The following UBE2E1 variants were observed in gnomAD, a reference collection of about 807,000 sequenced individuals.
UBE2E1 encodes the protein ubiquitin conjugating enzyme E2 E1.
In UBE2E1, 6 loss-of-function variants were observed where a neutral mutation model predicts 21.4. The observed-to-expected ratio is 0.28, with a 90% CI of 0.15 to 0.55. The LOEUF is 0.55. UBE2E1 is among the 20% of genes least tolerant of loss of function. The pLI is 0.93. For missense variants in UBE2E1, 142 were observed against 236.5 expected (o/e 0.60, Z 2.62); for synonymous variants, 87 against 82.7 (o/e 1.05, Z -0.28).
At chr3:23,851,504 C>A (rs1353721329) in intron 3 of UBE2E1, among the ~76,000 whole-genome samples, 1 of 151,916 alleles carries the variant, frequency 6.6e-6, no homozygotes, top group Non-Finnish European at 1.5e-5. Context: ...GAGAAGTATT[C>A]CCATATTAAT....
intron 3 of UBE2E1, among the ~76,000 whole-genome samples, chr3:23,856,983 C>T (rs1271100309): frequency 8.0e-6 from 1 of 125,188 alleles, no homozygotes; most frequent in Non-Finnish European, 1.6e-5. Context: ...GCCTGGGTGA[C>T]AGAGCTAGGC....
chr3:23,847,643 C>T (rs556348844), intron 3 of UBE2E1, among the ~76,000 whole-genome samples: 1 of 151,858 alleles, frequency 6.6e-6, no homozygotes, highest in African/African-American at 2.4e-5. Context: ...TACAGGTGCC[C>T]ACCACCACAC....
Position 23,810,545 on chromosome 3 carries a change from C to G in UBE2E1, c.153-915C>G, listed in dbSNP as rs1295283437. 3.3e-6 allele frequency: 5 copies of G among 1,532,080 alleles called. No individual in the cohort carries two copies. The highest frequency in any genetic ancestry group is 4.4e-6 in the Non-Finnish European group (5 of 1,144,608). The allele number at this position is 1,532,080 out of a possible 1,614,324, so 94.9% of individuals were successfully genotyped here. ...GAAAAGCAGGTCCGGGGAGGTGGGC[C>G]GAGAGTCCCGGCCAGCGTGCGGGGC... On this transcript the variant is annotated intron_variant, in intron 2 of 5. Coordinates refer to ENST00000306627, the MANE Select transcript of UBE2E1 (RefSeq NM_003341.5). This position sits in a 1 kb window ranked among gnomAD's most constrained non-coding sequence, Gnocchi z 5.8.
chr3:23,888,151 A>G lies in UBE2E1; in HGVS notation c.336+452A>G, dbSNP rs941605515. Reference sequence around the variant, plus strand: ...AAAGGCAGGGCAGGTCAGGGGGCCAAACAACTAGAGAATCAGAATCTCTTC... The same window carrying G: ...AAAGGCAGGGCAGGTCAGGGGGCCAGACAACTAGAGAATCAGAATCTCTTC... On this transcript the variant is annotated intron_variant, in intron 4 of 5. Transcript: ENST00000306627. 5.1e-5 allele frequency: 23 copies of G among 452,560 alleles called. No individual in the cohort carries two copies. The Admixed American group carries it at 5.2e-4, about 10-fold the overall frequency. 28.0% of individuals were successfully genotyped at this position (452,560 alleles called of 1,614,324 possible). A position where few individuals can be genotyped will look rare whatever the true frequency, so the allele number is the denominator to read the frequency against.
intron 3 of UBE2E1, among the ~76,000 whole-genome samples, chr3:23,822,491 T>C (rs1699665629): frequency 6.6e-6 from 1 of 152,004 alleles, no homozygotes; most frequent in Non-Finnish European, 1.5e-5. Context: ...CCCTCTTTCC[T>C]CACCAAAAAA....
At position 23,836,630 on chromosome 3, in the gene UBE2E1, T is replaced by C. The variant is rs1699980910; in HGVS notation, c.203+25120T>C. ...ACTTAGATCTAGTTCAGTTCCTCAT[T>C]TTACAAATGAACACACTCAGATCTA... On this transcript the variant is annotated intron_variant, in intron 3 of 5. Transcript: ENST00000306627. The surrounding 1 kb of genome is among the most constrained non-coding windows in gnomAD (Gnocchi z 4.1). Among the ~76,000 whole-genome samples, 1 of 152,188 alleles carries C rather than the reference T, an allele frequency of 6.6e-6. No homozygotes were observed. The highest frequency in any genetic ancestry group is 1.5e-5 in the Non-Finnish European group (1 of 68,032).
chr3:23,845,581 C>CTGTGTGTGTGTGTGTGTGTGTGTGTGTG (rs1343231599), intron 3 of UBE2E1, among the ~76,000 whole-genome samples: 1 of 48,448 alleles, frequency 2.1e-5, no homozygotes, highest in Non-Finnish European at 5.0e-5. Flanking sequence ...CTCTCTCTCT[C>CTGTGTGTGTGTGTGTGTGTGTGTGTGTG]TCTCTCTCTG....
intron 3 of UBE2E1, among the ~76,000 whole-genome samples, chr3:23,846,191 G>A (rs765222181): frequency 4.6e-5 from 7 of 152,212 alleles, no homozygotes; most frequent in African/African-American, 7.2e-5. Flanking sequence ...TTAAATAAAT[G>A]TCTTACATAA....
chr3:23,890,796 G>T lies in UBE2E1; in HGVS notation c.*190G>T, dbSNP rs1575051935. 1 of 459,196 alleles carries T rather than the reference G, an allele frequency of 2.2e-6. No individual in the cohort carries two copies. Among genetic ancestry groups the T allele is most frequent in the South Asian group, 5.4e-5 (1 of 18,362 alleles). The allele number at this position is 459,196 out of a possible 1,614,324, so 28.4% of individuals were successfully genotyped here. A position where few individuals can be genotyped will look rare whatever the true frequency, so the allele number is the denominator to read the frequency against. On this transcript the variant is annotated 3_prime_UTR_variant, in exon 6 of 6. Transcript: ENST00000306627. ...GCTACAGTAGACAGAATTGGTAATA[G>T]CAACTTTTAAAATTGTCATTAGTTC... is the stretch of plus-strand genomic sequence containing the variant.
chr3:23,886,401 G>A (rs1456484110), intron 3 of UBE2E1, among the ~76,000 whole-genome samples: 2 of 152,124 alleles, frequency 1.3e-5, no homozygotes, highest in Non-Finnish European at 2.9e-5. Context: ...AGCTCTTTCT[G>A]CCTCTTGGCC....
At chr3:23,832,519 C>G (rs906612298) in intron 3 of UBE2E1, among the ~76,000 whole-genome samples, 3 of 152,086 alleles carry the variant, frequency 2.0e-5, no homozygotes, top group Admixed American at 1.3e-4. Flanking sequence ...GTGGTGGGCA[C>G]CTGTAATCCC....
chr3:23,846,116 C>A (rs572108092), intron 3 of UBE2E1, among the ~76,000 whole-genome samples: 1 of 152,164 alleles, frequency 6.6e-6, no homozygotes, highest in Non-Finnish European at 1.5e-5. Flanking sequence ...AAAGTTCTTA[C>A]ATCAGTAACA....
chr3:23,809,249 A>G (rs900141103), intron 2 of UBE2E1, among the ~76,000 whole-genome samples: 1 of 152,214 alleles, frequency 6.6e-6, no homozygotes, highest in Non-Finnish European at 1.5e-5. Context: ...TAAAGTTAAT[A>G]GAAAAAGGTA....
intron 4 of UBE2E1, among the ~76,000 whole-genome samples, chr3:23,888,615 A>T (rs1701256915): frequency 6.6e-6 from 1 of 152,200 alleles, no homozygotes; most frequent in Admixed American, 6.5e-5. Flanking sequence ...GACCTGATGT[A>T]ACGGTCAGAA....
intron 3 of UBE2E1, among the ~76,000 whole-genome samples, chr3:23,830,991 T>G (rs1255913499): frequency 1.3e-5 from 2 of 152,208 alleles, no homozygotes; most frequent in Non-Finnish European, 2.9e-5. Flanking sequence ...TGCAGCTTAG[T>G]AAGTGGAGAA....
At chr3:23,861,696 C>G (rs1054184675) in intron 3 of UBE2E1, among the ~76,000 whole-genome samples, 26 of 152,192 alleles carry the variant, frequency 1.7e-4, no homozygotes, top group African/African-American at 6.0e-4. Flanking sequence ...TAGGAGCACA[C>G]TGGGATGCCA....
rs568279467 is a variant in UBE2E1, at chr3:23,867,919, C to T, written c.204-19648C>T. Among the ~76,000 whole-genome samples, 5 of 152,300 alleles carry T rather than the reference C, an allele frequency of 3.3e-5. No homozygotes were observed. In the East Asian group the frequency reaches 9.6e-4, roughly 29 times the overall value. ...GTCCTTCAATGTGACCACAGAGCCA[C>T]AGGAGACCCAAACCCCTTGTAGTCA... On this transcript the variant is annotated intron_variant, in intron 3 of 5. Coordinates refer to ENST00000306627, the MANE Select transcript of UBE2E1 (RefSeq NM_003341.5).
chr3:23,829,192 G>A (rs55904513), intron 3 of UBE2E1, among the ~76,000 whole-genome samples: 2,458 of 144,860 alleles, frequency 0.017, 36 homozygotes, highest in South Asian at 0.053. Flanking sequence ...AGAGGGCCTC[G>A]CTTTGTTGCC....
In UBE2E1 at chr3:23,807,432, CT is replaced by C. The variant is rs3214837; in HGVS notation, c.152+21del. 3.7e-3 allele frequency: 5,272 copies of C among 1,440,518 alleles called. 108 individuals carry two copies. In the East Asian group the frequency reaches 0.045, roughly 12 times the overall value. The allele number at this position is 1,440,518 out of a possible 1,614,324, so 89.2% of individuals were successfully genotyped here. ...CACCAGCGCCAAGAGGTACTGTGCT[CT>C]TTTTTTTTTCCACAGGCTTCCTATT... is the stretch of plus-strand genomic sequence containing the variant. On this transcript the variant is annotated intron_variant, in intron 2 of 5. Transcript: ENST00000306627.
Sources: allele counts gnomAD v4.1 joint callset (sites outside exome capture counted in the v4.1 genomes callset), GRCh38; gene constraint gnomAD v4.1.1; non-coding constraint Gnocchi (gnomAD v3.1); transcripts MANE v1.5; gene names NCBI Gene and HGNC (gene_info 2026-07-23, HGNC 2026-07-21).